The following ADGRB3 variants were observed in gnomAD, a reference collection of about 807,000 sequenced individuals.
ADGRB3 encodes brain-specific angiogenesis inhibitor 3.
A neutral mutation model predicts 193.4 loss-of-function variants in ADGRB3; 37 were observed. The ratio of observed to expected loss-of-function variants is 0.19; its 90% CI spans 0.15 to 0.25. ADGRB3 has a LOEUF of 0.25. ADGRB3 is among the 10% of genes least tolerant of loss of function. ADGRB3 has a pLI of 1.00. For synonymous variants in ADGRB3, 690 were observed against 644.2 expected, an observed-to-expected ratio of 1.07 and a Z score of -1.08; for missense variants, 1,637 against 1,852.9, an observed-to-expected ratio of 0.88 and a Z score of 2.14.
chr6:68,788,102 C>T (rs1050113091), intron 3 of ADGRB3, among the ~76,000 whole-genome samples: 2 of 152,122 alleles, frequency 1.3e-5, no homozygotes, highest in Admixed American at 6.5e-5. Flanking sequence ...TTTCAAAAAA[C>T]CAGCTCCTGG....
At chr6:68,923,573 ATTATT>A (rs1386151267) in intron 3 of ADGRB3, among the ~76,000 whole-genome samples, 7 of 152,118 alleles carry the variant, frequency 4.6e-5, no homozygotes, top group African/African-American at 1.7e-4. Context: ...TAATGTACAA[ATTATT>A]TTATGGAATA....
intron 1 of ADGRB3, among the ~76,000 whole-genome samples, chr6:68,636,713 C>A (rs1040545570): frequency 6.6e-6 from 1 of 152,048 alleles, no homozygotes. Flanking sequence ...GAGCTATTTC[C>A]TCACTCTCTG....
chr6:68,927,120 A>C (rs1239712934), intron 3 of ADGRB3, among the ~76,000 whole-genome samples: 1 of 152,076 alleles, frequency 6.6e-6, no homozygotes, highest in African/African-American at 2.4e-5. Flanking sequence ...CAACATAAAG[A>C]TATAGGAAAT....
chr6:68,796,165 G>A (rs962669728), intron 3 of ADGRB3, among the ~76,000 whole-genome samples: 1 of 151,924 alleles, frequency 6.6e-6, no homozygotes, highest in African/African-American at 2.4e-5. Flanking sequence ...GAAATGTATT[G>A]AATTATATGA....
In ADGRB3 at chr6:68,718,414, G is replaced by A. The variant is rs150728431; in HGVS notation, c.757+78982G>A. On this transcript the variant is annotated intron_variant, in intron 3 of 31. Coordinates refer to ENST00000370598, the MANE Select transcript of ADGRB3 (RefSeq NM_001704.3). Reference sequence around the variant, plus strand: ...TTGATGTCAAGAAAAAACATCCTAGGATAGTTTTACAAAACATGACTGCCT... The same window carrying A: ...TTGATGTCAAGAAAAAACATCCTAGAATAGTTTTACAAAACATGACTGCCT... Among the ~76,000 whole-genome samples, 687 of 151,824 alleles carry A rather than the reference G, an allele frequency of 4.5e-3. 2 individuals carry two copies. The highest frequency in any genetic ancestry group is 0.024 in the Middle Eastern group (7 of 294).
At chr6:69,195,223 T>C (rs1007438242) in intron 17 of ADGRB3, among the ~76,000 whole-genome samples, 2 of 152,068 alleles carry the variant, frequency 1.3e-5, no homozygotes, top group East Asian at 1.9e-4. Context: ...CAGATACTAC[T>C]CTTAGAAGTT....
At chr6:68,716,928 T>C (rs1025818868) in intron 3 of ADGRB3, among the ~76,000 whole-genome samples, 3 of 151,730 alleles carry the variant, frequency 2.0e-5, no homozygotes, top group African/African-American at 7.2e-5. Flanking sequence ...TTTTTCTTTA[T>C]TATAGGATTT....
At chr6:68,836,126 G>A (rs935925235) in intron 3 of ADGRB3, among the ~76,000 whole-genome samples, 1 of 151,980 alleles carries the variant, frequency 6.6e-6, no homozygotes, top group Non-Finnish European at 1.5e-5. Context: ...CTTCCATGTG[G>A]CAAACTAAAA....
At chr6:69,314,433 T>A (rs766576642) in intron 20 of ADGRB3, among the ~76,000 whole-genome samples, 10 of 151,680 alleles carry the variant, frequency 6.6e-5, no homozygotes, top group Non-Finnish European at 1.5e-4. Flanking sequence ...ATTGACAGTT[T>A]CTTCTGTTCA....
At chr6:69,252,786 T>C (rs1356208569) in intron 20 of ADGRB3, among the ~76,000 whole-genome samples, 3 of 152,118 alleles carry the variant, frequency 2.0e-5, no homozygotes, top group Non-Finnish European at 4.4e-5. Flanking sequence ...GTAGAAATTT[T>C]TGTGAAGTTC....
At chr6:68,697,429 T>A (rs1459104745) in intron 3 of ADGRB3, among the ~76,000 whole-genome samples, 1 of 151,790 alleles carries the variant, frequency 6.6e-6, no homozygotes, top group African/African-American at 2.4e-5. Flanking sequence ...CTTGTTCTTT[T>A]AAAAAAAATA....
At chr6:68,730,588 G>T (rs1400570444) in intron 3 of ADGRB3, among the ~76,000 whole-genome samples, 1 of 151,614 alleles carries the variant, frequency 6.6e-6, no homozygotes, top group African/African-American at 2.4e-5. Flanking sequence ...GTGAATTATA[G>T]AGTATTTTTT....
At chr6:68,658,759 A>G (rs182765320) in intron 3 of ADGRB3, among the ~76,000 whole-genome samples, 2 of 149,902 alleles carry the variant, frequency 1.3e-5, no homozygotes, top group Non-Finnish European at 3.0e-5. Context: ...TAGATGTTAA[A>G]GGCTTTGCTG....
chr6:68,663,912 C>T (rs1768734948), intron 3 of ADGRB3, among the ~76,000 whole-genome samples: 1 of 151,686 alleles, frequency 6.6e-6, no homozygotes, highest in East Asian at 1.9e-4. Flanking sequence ...TTACAAGTAG[C>T]CCAACTAAAA....
intron 20 of ADGRB3, among the ~76,000 whole-genome samples, chr6:69,267,398 C>T (rs1409258381): frequency 1.3e-5 from 2 of 152,038 alleles, no homozygotes; most frequent in African/African-American, 2.4e-5. Context: ...TCAGGCTACC[C>T]GGAGTCCATT....
At chr6:69,028,806 A>G (rs1770518617) in intron 13 of ADGRB3, among the ~76,000 whole-genome samples, 2 of 152,212 alleles carry the variant, frequency 1.3e-5, no homozygotes, top group Non-Finnish European at 2.9e-5. Flanking sequence ...CTTCACAAGT[A>G]CCATTTGAGT....
intron 3 of ADGRB3, among the ~76,000 whole-genome samples, chr6:68,785,933 T>G (rs569042762): frequency 6.6e-6 from 1 of 152,280 alleles, no homozygotes; most frequent in East Asian, 1.9e-4. Flanking sequence ...TTTCATGTGT[T>G]TTTTGGCTGC....
intron 13 of ADGRB3, among the ~76,000 whole-genome samples, chr6:69,039,804 C>T (rs1300032835): frequency 7.0e-6 from 1 of 142,184 alleles, no homozygotes; most frequent in Non-Finnish European, 1.5e-5. Context: ...TGCAGTGGTG[C>T]AATCTCGGCT....
intron 13 of ADGRB3, among the ~76,000 whole-genome samples, chr6:69,029,455 T>A (rs926456395): frequency 6.6e-6 from 1 of 152,216 alleles, no homozygotes; most frequent in East Asian, 1.9e-4. Context: ...CTAAGGCACA[T>A]AATTTCTTTT....
Sources: allele counts gnomAD v4.1 joint callset (sites outside exome capture counted in the v4.1 genomes callset), GRCh38; gene constraint gnomAD v4.1.1; transcripts MANE v1.5; gene names NCBI Gene and HGNC (gene_info 2026-07-23, HGNC 2026-07-21).